MGMT: variants seen among roughly 807,000 people sequenced by gnomAD.
MGMT encodes the protein methylated-DNA--protein-cysteine methyltransferase.
A neutral mutation model predicts 15.9 loss-of-function variants in MGMT; 14 were observed. That is an observed-to-expected ratio of 0.88 (90% CI 0.58 to 1.37). The LOEUF (loss-of-function observed/expected upper bound fraction) is 1.37. Ranked by LOEUF, MGMT falls within the 40% of genes most tolerant of loss-of-function variation. The pLI is 0.00. For synonymous variants in MGMT, 130 were observed against 118.2 expected (o/e 1.10, Z -0.65); for missense variants, 282 against 268.1 (o/e 1.05, Z -0.36).
At chr10:129,666,095 A>G (rs1480258106) in intron 2 of MGMT, among the ~76,000 whole-genome samples, 1 of 152,144 alleles carries the variant, frequency 6.6e-6, no homozygotes, top group East Asian at 1.9e-4. Context: ...AGGGAGGGGG[A>G]GAGAAAGAAA....
chr10:129,707,787 T>C (rs1036280635), intron 2 of MGMT, 108 bp from the exon 3 acceptor site: 35 of 1,451,260 alleles, frequency 2.4e-5, no homozygotes, highest in Non-Finnish European at 3.0e-5. Flanking sequence ...TGTGTGCCCA[T>C]GAAGCAGCCA....
chr10:129,679,795 C>A (rs763980328), intron 2 of MGMT, among the ~76,000 whole-genome samples: 155 of 152,282 alleles, frequency 1.0e-3, no homozygotes, highest in Non-Finnish European at 1.6e-3. Context: ...AAACCTAATG[C>A]CTTCCTTTGC....
chr10:129,652,662 G>A (rs927324432), intron 2 of MGMT, among the ~76,000 whole-genome samples: 1 of 152,140 alleles, frequency 6.6e-6, no homozygotes, highest in Non-Finnish European at 1.5e-5. Flanking sequence ...CTACTGTGTG[G>A]GGGCTTCTGT....
intron 2 of MGMT, among the ~76,000 whole-genome samples, chr10:129,616,569 C>T (rs1847030308): frequency 6.6e-6 from 1 of 152,144 alleles, no homozygotes; most frequent in Non-Finnish European, 1.5e-5. Flanking sequence ...CTCTCTGGTG[C>T]CCTGTCCTCC....
At chr10:129,582,967 G>A in intron 2 of MGMT, among the ~76,000 whole-genome samples, 1 of 152,126 alleles carries the variant, frequency 6.6e-6, no homozygotes, top group Non-Finnish European at 1.5e-5. Flanking sequence ...TGAATCACTT[G>A]ATATACCTAA....
chr10:129,724,738 A>T (rs1214712348), intron 3 of MGMT, among the ~76,000 whole-genome samples: 1 of 152,228 alleles, frequency 6.6e-6, no homozygotes. Context: ...AATGTCAATT[A>T]TATCATCTGA....
chr10:129,544,103 C>T (rs900180531), intron 2 of MGMT, among the ~76,000 whole-genome samples: 1 of 152,162 alleles, frequency 6.6e-6, no homozygotes, highest in Non-Finnish European at 1.5e-5. Flanking sequence ...CTGTTCGGCT[C>T]TGTTTGTGAA....
At chr10:129,620,606 T>C (rs1292219561) in intron 2 of MGMT, among the ~76,000 whole-genome samples, 2 of 152,246 alleles carry the variant, frequency 1.3e-5, no homozygotes, top group Admixed American at 6.5e-5. Flanking sequence ...GCCATTTTTC[T>C]TACTCTGAAG....
At chr10:129,630,646 TAGAAAA>T (rs1847199654) in intron 2 of MGMT, among the ~76,000 whole-genome samples, 1 of 152,106 alleles carries the variant, frequency 6.6e-6, no homozygotes, top group Non-Finnish European at 1.5e-5. Context: ...TTCGAACTGA[TAGAAAA>T]AGAAAACAGA....
intron 2 of MGMT, among the ~76,000 whole-genome samples, chr10:129,594,960 C>T (rs1347016309): frequency 6.6e-6 from 1 of 152,192 alleles, no homozygotes; most frequent in Admixed American, 6.5e-5. Flanking sequence ...CAGAGCTTTT[C>T]CTTGACTGGG....
chr10:129,738,291 T>C (rs1242399016), intron 3 of MGMT, among the ~76,000 whole-genome samples: 4 of 152,244 alleles, frequency 2.6e-5, no homozygotes, highest in Non-Finnish European at 5.9e-5. Context: ...AAAAGGGCAG[T>C]ATTCAGGTGG....
chr10:129,474,698 G>A (rs374254488), intron 1 of MGMT, among the ~76,000 whole-genome samples: 1 of 152,094 alleles, frequency 6.6e-6, no homozygotes, highest in East Asian at 1.9e-4. Flanking sequence ...CAGGAGTCAC[G>A]GAATTTTAAA....
intron 2 of MGMT, among the ~76,000 whole-genome samples, chr10:129,596,122 C>T (rs557069107): frequency 7.6e-4 from 115 of 150,624 alleles, no homozygotes; most frequent in Non-Finnish European, 1.2e-3. Context: ...CCCAGGGTAT[C>T]GGTAGCATGT....
Position 129,536,354 on chromosome 10 carries a change from G to C in MGMT, c.102G>C (p.Leu34=), listed in dbSNP as rs1845984154. The C allele has an allele frequency of 6.2e-7, 1 of 1,613,458 alleles. No homozygotes were observed. The highest frequency in any genetic ancestry group is 8.5e-7 in the Non-Finnish European group (1 of 1,179,916). The change falls in exon 2 of 5, where the codon CTG becomes CTC. Residue 34 remains leucine (L), a synonymous_variant. Transcript: ENST00000651593. The part of the protein sequence containing the change: ...CEQGLHEIKL[L]GKGTSAADAV... ...AGGGTCTGCACGAAATAAAGCTCCT[G>C]GGCAAGGGGACGTCTGCAGCTGAGT... is the stretch of plus-strand genomic sequence containing the variant.
intron 2 of MGMT, among the ~76,000 whole-genome samples, chr10:129,654,073 C>A (rs912767476): frequency 2.6e-5 from 4 of 152,190 alleles, no homozygotes; most frequent in Non-Finnish European, 5.9e-5. Flanking sequence ...TACTACTGCA[C>A]CCTCCACGCC....
intron 3 of MGMT, among the ~76,000 whole-genome samples, chr10:129,742,322 C>T (rs1429951089): frequency 6.6e-6 from 1 of 152,202 alleles, no homozygotes; most frequent in Non-Finnish European, 1.5e-5. Flanking sequence ...CTACCATCCG[C>T]AGGAAAATGA....
At chr10:129,688,517 C>T (rs184962524) in intron 2 of MGMT, among the ~76,000 whole-genome samples, 3 of 152,312 alleles carry the variant, frequency 2.0e-5, no homozygotes, top group Non-Finnish European at 2.9e-5. Flanking sequence ...TCATATCCTT[C>T]ACCCACTTTT....
intron 2 of MGMT, among the ~76,000 whole-genome samples, chr10:129,703,456 C>T (rs766524368): frequency 1.3e-5 from 2 of 152,160 alleles, no homozygotes; most frequent in Non-Finnish European, 2.9e-5. Flanking sequence ...TCCCAGCTCT[C>T]GTGGTAGAAT....
chr10:129,530,659 C>T (rs910332528), intron 1 of MGMT, among the ~76,000 whole-genome samples: 1 of 152,224 alleles, frequency 6.6e-6, no homozygotes. Flanking sequence ...CCTCGAAATG[C>T]AAACCAGCTG....
Sources: gnomAD v4.1 joint callset for allele counts (sites outside exome capture counted in the v4.1 genomes callset) on GRCh38, gnomAD v4.1.1 for gene constraint, MANE v1.5 for transcripts, NCBI Gene and HGNC (gene_info 2026-07-23, HGNC 2026-07-21) for gene names.